The following RIPK4 variants were observed in gnomAD, a reference collection of about 807,000 sequenced individuals.
The protein encoded by RIPK4 is receptor-interacting serine/threonine-protein kinase 4.
Under a neutral mutation model 42.9 loss-of-function variants are expected in RIPK4, and 17 were observed. The observed-to-expected ratio is 0.40, with a 90% CI of 0.27 to 0.59. The LOEUF (loss-of-function observed/expected upper bound fraction) is 0.59, where lower values mean the gene tolerates loss of function less well. Ranked by LOEUF, RIPK4 falls within the 20% of genes least tolerant of loss-of-function variation. The pLI is 0.47. For synonymous variants in RIPK4, 498 were observed against 499.1 expected (o/e 1.00, Z 0.03); for missense variants, 897 against 1,104.4 (o/e 0.81, Z 2.66).
Position 41,741,800 on chromosome 21 carries a change from T to C in RIPK4, c.1393A>G (p.Asn465Asp). The C allele has an allele frequency of 6.2e-7, 1 of 1,611,432 alleles. No individual in the cohort carries two copies. Among genetic ancestry groups the C allele is most frequent in the Non-Finnish European group, 8.5e-7 (1 of 1,179,986 alleles). Reference protein sequence around the residue: ...KWLLLNNANPNLSNRRGSTPL... With the variant: ...KWLLLNNANPDLSNRRGSTPL... ...GTGGAGCCCCTACGGTTGCTCAGGT[T>C]GGGGTTGGCATTGTTGAGCAGCAGC... is the stretch of plus-strand genomic sequence containing the variant. The change falls in exon 8 of 8, where the codon AAC becomes GAC. Residue 465 changes from asparagine (N) to aspartate (D), a missense_variant. Coordinates refer to ENST00000332512, the MANE Select transcript of RIPK4 (RefSeq NM_020639.3).
intron 1 of RIPK4, among the ~76,000 whole-genome samples, chr21:41,762,375 T>C (rs952835286): frequency 6.6e-6 from 1 of 152,154 alleles, no homozygotes; most frequent in African/African-American, 2.4e-5. Flanking sequence ...AGCACCAGCA[T>C]GTCCTCAGAA....
At position 41,741,003 on chromosome 21, in the gene RIPK4, C is replaced by T. The variant is rs749029220; in HGVS notation, c.2190G>A (p.Leu730=). 14 of 1,610,222 alleles carry T rather than the reference C, an allele frequency of 8.7e-6. No individual in the cohort carries two copies. The highest frequency in any genetic ancestry group is 3.3e-4 in the Middle Eastern group (2 of 6,082). Residue 730 remains leucine (L), a synonymous_variant, in exon 8 of 8, where the codon CTG becomes CTA. Coordinates refer to ENST00000332512, the MANE Select transcript of RIPK4 (RefSeq NM_020639.3). ...GCGCGCTGAGCCCCTGCTCGTCGAA[C>T]AGGTCAATGACATCGGCGCTGACCA... ...EELVSADVID[L]FDEQGLSALH... is the part of the protein sequence containing the mutation.
chr21:41,754,718 C>CAG (rs2061197968), intron 2 of RIPK4, among the ~76,000 whole-genome samples: 1 of 152,114 alleles, frequency 6.6e-6, no homozygotes, highest in Non-Finnish European at 1.5e-5. Flanking sequence ...GGCCCAGCCC[C>CAG]AGGAGCACTC....
chr21:41,742,296 C>T lies in RIPK4; in HGVS notation c.1196-299G>A, dbSNP rs1432153384. Among the ~76,000 whole-genome samples, 1 of 152,224 alleles carries T rather than the reference C, an allele frequency of 6.6e-6. No homozygotes were observed. The highest frequency in any genetic ancestry group is 2.1e-4 in the South Asian group (1 of 4,838). On this transcript the variant is annotated intron_variant, in intron 7 of 7. Coordinates refer to ENST00000332512, the MANE Select transcript of RIPK4 (RefSeq NM_020639.3). The surrounding 1 kb of genome is among the most constrained non-coding windows in gnomAD (Gnocchi z 5.1). ...CCTTGGTGCTTAGAGATGGCAGTGA[C>T]TGCAAACATCCCTTCATTAAAGAAA...
rs2061147256 is a variant in RIPK4 at position 41,739,980 on chromosome 21, G to A, written c.*858C>T. 6.6e-6 allele frequency: 1 copy of A among 152,224 alleles called. No individual in the cohort carries two copies. The highest frequency in any genetic ancestry group is 1.5e-5 in the Non-Finnish European group (1 of 68,052). 9.4% of individuals were successfully genotyped at this position (152,224 alleles called of 1,614,324 possible). ...TCTCCTGCACCTCTTCCCCAAGACT[G>A]GTGCACTCCAGCGACCTGAGGGGGC... On this transcript the variant is annotated 3_prime_UTR_variant, in exon 8 of 8. Coordinates refer to ENST00000332512, the MANE Select transcript of RIPK4 (RefSeq NM_020639.3).
Position 41,767,046 on chromosome 21 carries a change from C to G in RIPK4, c.-5G>C, listed in dbSNP as rs767398297. 1.2e-5 allele frequency: 18 copies of G among 1,541,150 alleles called. No homozygotes were observed. In the African/African-American group the frequency reaches 2.3e-4, roughly 20 times the overall value. On this transcript the variant is annotated 5_prime_UTR_variant, in exon 1 of 8. Transcript: ENST00000332512. The surrounding 1 kb of genome is among the most constrained non-coding windows in gnomAD (Gnocchi z 4.0). ...GGTCCCGCCGTCGCCCTCCATCGCG[C>G]ACGTCTAGCCAGCGCCGCGGCGGCT...
Position 41,742,117 on chromosome 21 carries a change from G to C in RIPK4, c.1196-120C>G. ...TGCCATGGCCTCCAGGCTGCTCGCTGGTCACCCGACTGTGTTTGAGCGTTG... is the reference window on the plus strand; with the variant it reads ...TGCCATGGCCTCCAGGCTGCTCGCTCGTCACCCGACTGTGTTTGAGCGTTG... On this transcript the variant is annotated intron_variant, in intron 7 of 7. Transcript: ENST00000332512. This position sits in a 1 kb window ranked among gnomAD's most constrained non-coding sequence, Gnocchi z 5.1. 1 of 868,562 alleles carries C rather than the reference G, an allele frequency of 1.2e-6. No individual in the cohort carries two copies. The highest frequency in any genetic ancestry group is 1.8e-6 in the Non-Finnish European group (1 of 557,980). The allele number at this position is 868,562 out of a possible 1,614,324, so 53.8% of individuals were successfully genotyped here.
intron 1 of RIPK4, among the ~76,000 whole-genome samples, chr21:41,761,871 C>A (rs769324734): frequency 6.6e-6 from 1 of 152,146 alleles, no homozygotes; most frequent in East Asian, 1.9e-4. Context: ...AGCTCATTGG[C>A]GACTCTAACA....
At chr21:41,765,894 A>G (rs2061234707) in intron 1 of RIPK4, among the ~76,000 whole-genome samples, 1 of 152,258 alleles carries the variant, frequency 6.6e-6, no homozygotes, top group Admixed American at 6.5e-5. Flanking sequence ...ACAAAGAGGT[A>G]CTGTTCAAGA....
chr21:41,762,341 C>T (rs1323204046), intron 1 of RIPK4, among the ~76,000 whole-genome samples: 1 of 152,204 alleles, frequency 6.6e-6, no homozygotes, highest in Non-Finnish European at 1.5e-5. Context: ...GCTCCCTTGC[C>T]TACCAGCCTG....
intron 1 of RIPK4, among the ~76,000 whole-genome samples, chr21:41,766,042 G>A (rs2061235066): frequency 6.6e-6 from 1 of 152,264 alleles, no homozygotes; most frequent in South Asian, 2.1e-4. Flanking sequence ...GTTCCATTCT[G>A]ACTTTTGGAC....
intron 1 of RIPK4, among the ~76,000 whole-genome samples, chr21:41,760,781 G>A (rs1272945668): frequency 2.0e-5 from 3 of 152,168 alleles, no homozygotes; most frequent in Non-Finnish European, 2.9e-5. Context: ...TGGGCAGGTC[G>A]AGTGTGTCTG....
At chr21:41,759,282 A>C (rs1343222597) in intron 1 of RIPK4, among the ~76,000 whole-genome samples, 1 of 151,972 alleles carries the variant, frequency 6.6e-6, no homozygotes, top group Non-Finnish European at 1.5e-5. Context: ...TTTAGTAAAG[A>C]TGGGATTTTG....
intron 1 of RIPK4, among the ~76,000 whole-genome samples, chr21:41,762,921 G>A (rs190712917): frequency 1.3e-5 from 2 of 152,072 alleles, no homozygotes; most frequent in Non-Finnish European, 2.9e-5. Context: ...TGAAGTCAAC[G>A]TTTCTGGGTT....
chr21:41,747,045 G>A (rs1484261506), intron 4 of RIPK4, among the ~76,000 whole-genome samples: 1 of 152,246 alleles, frequency 6.6e-6, no homozygotes, highest in Non-Finnish European at 1.5e-5. Flanking sequence ...TCACAGAGCA[G>A]ATCTTTCTAG....
In RIPK4 at chr21:41,751,160, T is replaced by G; in HGVS notation, c.560A>C (p.Tyr187Ser). ...CTCCCTGATGCGCTCTGGAGGGAGG[T>G]AGGCGATTGTGCCAAACAGGCCATC... ...SMDGLFGTIA[Y>S]LPPERIREKS... Residue 187 changes from tyrosine (Y) to serine (S), a missense_variant, in exon 3 of 8, where the codon TAC becomes TCC. Coordinates refer to ENST00000332512, the MANE Select transcript of RIPK4 (RefSeq NM_020639.3). The surrounding 1 kb of genome is among the most constrained non-coding windows in gnomAD (Gnocchi z 4.5). The G allele has an allele frequency of 6.2e-7, 1 of 1,613,928 alleles. No homozygotes were observed. Among genetic ancestry groups the G allele is most frequent in the Non-Finnish European group, 8.5e-7 (1 of 1,179,974 alleles).
At chr21:41,748,818 A>G (rs1013721226) in intron 4 of RIPK4, among the ~76,000 whole-genome samples, 4 of 152,226 alleles carry the variant, frequency 2.6e-5, no homozygotes, top group African/African-American at 9.7e-5. Context: ...TTCTAGCATG[A>G]TGAGAATGTT....
At chr21:41,749,834 G>A (rs1467192275) in intron 3 of RIPK4, among the ~76,000 whole-genome samples, 1 of 148,744 alleles carries the variant, frequency 6.7e-6, no homozygotes, top group African/African-American at 2.5e-5. Context: ...GATAATATGA[G>A]GGATACGTTC....
chr21:41,740,731 T>G lies in RIPK4; in HGVS notation c.*107A>C. 22 of 1,112,930 alleles carry G rather than the reference T, an allele frequency of 2.0e-5. No homozygotes were observed. Among genetic ancestry groups the G allele is most frequent in the Non-Finnish European group, 2.5e-5 (20 of 800,334 alleles). 68.9% of individuals were successfully genotyped at this position (1,112,930 alleles called of 1,614,324 possible). A position where few individuals can be genotyped will look rare whatever the true frequency, so the allele number is the denominator to read the frequency against. On this transcript the variant is annotated 3_prime_UTR_variant, in exon 8 of 8. Coordinates refer to ENST00000332512, the MANE Select transcript of RIPK4 (RefSeq NM_020639.3). Reference sequence around the variant, plus strand: ...CCATGTCACCTCTGCTTGGTTAACATTTAGGTAAGCCACAACAGGGCCCCA... The same window carrying G: ...CCATGTCACCTCTGCTTGGTTAACAGTTAGGTAAGCCACAACAGGGCCCCA...
Sources: gnomAD v4.1 joint callset for allele counts (sites outside exome capture counted in the v4.1 genomes callset) on GRCh38, gnomAD v4.1.1 for gene constraint, Gnocchi (gnomAD v3.1) non-coding constraint, MANE v1.5 for transcripts, NCBI Gene and HGNC (gene_info 2026-07-23, HGNC 2026-07-21) for gene names.